The following SOX6 variants were observed in gnomAD, a reference collection of about 807,000 sequenced individuals.
SOX6 encodes the protein SRY-box transcription factor 6.
In SOX6, 11 loss-of-function variants were observed where a neutral mutation model predicts 97.8. That is an observed-to-expected ratio of 0.11 (90% confidence interval 0.07 to 0.19). The LOEUF is 0.19. SOX6 is among the 10% of genes least tolerant of loss of function. The probability of loss-of-function intolerance (pLI) is 1.00; values close to 1 mark genes in which losing one functional copy is unlikely to be tolerated. For synonymous variants in SOX6, 360 were observed against 371.4 expected (o/e 0.97, Z 0.35); for missense variants, 810 against 1,039.5 (o/e 0.78, Z 3.04).
Position 16,186,788 on chromosome 11 carries a change from C to G in SOX6, c.703G>C (p.Glu235Gln), listed in dbSNP as rs1311447551. 1.2e-6 allele frequency: 2 copies of G among 1,612,842 alleles called. No homozygotes were observed. The highest frequency in any genetic ancestry group is 2.7e-5 in the African/African-American group (2 of 74,824). Residue 235 changes from glutamate (E) to glutamine (Q), a missense_variant, in exon 5 of 16, where the codon GAA (glutamate) becomes CAA (glutamine). This residue lies in a region of SOX6 where 110 missense variants were observed against 119.0 expected (regional missense o/e 0.92). Transcript: ENST00000683767. ...GTGCCTTTTGCAGGGCTCACCTGTT[C>G]TTGCTGTTGGCGAGCAAGGTCCATT... ...QQMDLARQQQ[E>Q]QIARQQQQLL...
intron 4 of SOX6, among the ~76,000 whole-genome samples, chr11:16,197,343 TA>T (rs980899442): frequency 1.1e-4 from 16 of 152,108 alleles, no homozygotes; most frequent in Admixed American, 3.3e-4. Context: ...AACAGGCGCT[TA>T]AAAAAACCTT....
chr11:16,518,704 T>C (rs368943639), intron 4 of SOX6, among the ~76,000 whole-genome samples: 1 of 152,134 alleles, frequency 6.6e-6, no homozygotes, highest in African/African-American at 2.4e-5. Context: ...TCAAAGGAAA[T>C]ATTTGCTGTG....
chr11:16,699,394 T>C (rs943529143), intron 3 of SOX6, among the ~76,000 whole-genome samples: 3 of 152,108 alleles, frequency 2.0e-5, no homozygotes, highest in African/African-American at 7.2e-5. Flanking sequence ...AAGAAACTTA[T>C]GGTCATGTTT....
chr11:16,049,149 C>G (rs1847617754), intron 11 of SOX6, among the ~76,000 whole-genome samples: 1 of 152,088 alleles, frequency 6.6e-6, no homozygotes, highest in Non-Finnish European at 1.5e-5. Context: ...AATGAAGGCT[C>G]TCTGTCCAAG....
chr11:16,525,965 A>C (rs992151643), intron 4 of SOX6, among the ~76,000 whole-genome samples: 3 of 152,260 alleles, frequency 2.0e-5, no homozygotes, highest in African/African-American at 7.2e-5. Context: ...AGTGGCGATC[A>C]TTAAAAAGTC....
upstream of SOX6, among the ~76,000 whole-genome samples, chr11:16,477,261 A>C (rs558721169): frequency 2.0e-5 from 3 of 152,268 alleles, no homozygotes; most frequent in Admixed American, 6.5e-5. Context: ...GGCTCTGGGG[A>C]CTGGCTTGAT....
intron 6 of SOX6, among the ~76,000 whole-genome samples, chr11:16,170,449 C>A (rs76698650): frequency 6.6e-6 from 1 of 151,486 alleles, no homozygotes; most frequent in Non-Finnish European, 1.5e-5. Flanking sequence ...TGTCCCCAGT[C>A]GGCATAAAAG....
In SOX6 at chr11:16,132,413, GAA is replaced by G. The variant is rs1363826793; in HGVS notation, c.778-20492_778-20491del. 9.2e-4 allele frequency among the ~76,000 whole-genome samples: 83 copies of G among 90,588 alleles called. 4 individuals carry two copies. In the East Asian group the frequency reaches 0.018, roughly 20 times the overall value. The allele number at this position is 90,588 out of a possible 152,430, so 59.4% of individuals were successfully genotyped here. A position where few individuals can be genotyped will look rare whatever the true frequency, so the allele number is the denominator to read the frequency against. ...AAGAAAGAAAGAAAAAAGAAAGAAAGAAAGAAAGAAAGAAAGAAAGAAAGAAA... is the reference window on the plus strand; with the variant it reads ...AAGAAAGAAAGAAAAAAGAAAGAAAGAGAAAGAAAGAAAGAAAGAAAGAAA... On this transcript the variant is annotated intron_variant, in intron 6 of 15. Coordinates refer to ENST00000683767, the MANE Select transcript of SOX6 (RefSeq NM_001367873.1).
At chr11:16,702,991 A>G (rs1590057687) in intron 3 of SOX6, among the ~76,000 whole-genome samples, 2 of 150,948 alleles carry the variant, frequency 1.3e-5, no homozygotes, top group African/African-American at 4.8e-5. Context: ...TAAGGAATAC[A>G]TTTGCCTTGA....
Position 16,638,224 on chromosome 11 carries a change from A to G in SOX6, n.430-25964T>C, listed in dbSNP as rs139621331. Among the ~76,000 whole-genome samples, 802 of 152,052 alleles carry G rather than the reference A, an allele frequency of 5.3e-3. 7 individuals are homozygous for G. Among genetic ancestry groups the G allele is most frequent in the African/African-American group, 0.018 (761 of 41,466 alleles). On this transcript the variant is annotated intron_variant and non_coding_transcript_variant, in intron 3 of 5. Transcript: ENST00000524520. Reference sequence around the variant, plus strand: ...TCCAGCTTCACCCATCTCCCTACAAAGGACATGAACTCATCATTTTTTATG... The same window carrying G: ...TCCAGCTTCACCCATCTCCCTACAAGGGACATGAACTCATCATTTTTTATG...
At chr11:16,500,121 T>C (rs1385956164) in intron 4 of SOX6, among the ~76,000 whole-genome samples, 1 of 152,156 alleles carries the variant, frequency 6.6e-6, no homozygotes, top group East Asian at 1.9e-4. Flanking sequence ...CATGATCAAG[T>C]GGGCTTCATC....
intron 2 of SOX6, among the ~76,000 whole-genome samples, chr11:16,327,108 ATCACGCTGTATAACTG>A (rs1235095601): frequency 6.6e-6 from 1 of 152,288 alleles, no homozygotes; most frequent in Non-Finnish European, 1.5e-5. Flanking sequence ...AGCCTGGGAA[ATCACGCTGTATAACTG>A]TCACTGCATT....
chr11:16,227,261 T>C (rs1852713968), intron 4 of SOX6, among the ~76,000 whole-genome samples: 1 of 152,166 alleles, frequency 6.6e-6, no homozygotes, highest in Non-Finnish European at 1.5e-5. Flanking sequence ...AACTGTAGTA[T>C]TAATTTGAAA....
intron 6 of SOX6, among the ~76,000 whole-genome samples, chr11:16,137,763 C>T (rs1270017862): frequency 6.6e-6 from 1 of 152,244 alleles, no homozygotes; most frequent in Admixed American, 6.5e-5. Context: ...ATGAGAGGGA[C>T]CAGGTGGAGA....
chr11:16,548,012 A>C (rs1847640832), intron 4 of SOX6, among the ~76,000 whole-genome samples: 1 of 152,186 alleles, frequency 6.6e-6, no homozygotes, highest in South Asian at 2.1e-4. Context: ...AGAACATCTT[A>C]AAAGCAGCCG....
At chr11:16,511,228 C>A (rs1317972109) in intron 4 of SOX6, among the ~76,000 whole-genome samples, 1 of 152,124 alleles carries the variant, frequency 6.6e-6, no homozygotes, top group African/African-American at 2.4e-5. Context: ...GTTTCAAAAG[C>A]ACATGGATGT....
At position 16,338,511 on chromosome 11, in the gene SOX6, C is replaced by G. The variant is rs188885359; in HGVS notation, c.237+2501G>C. On this transcript the variant is annotated intron_variant, in intron 2 of 15. Transcript: ENST00000683767. ...AGTTGTTACAAAATATTGAATCTAT[C>G]CAGTGAAAAAGAAGCACAAAGGGAA... 1.3e-4 allele frequency among the ~76,000 whole-genome samples: 19 copies of G among 151,996 alleles called. No individual in the cohort carries two copies. The East Asian group carries it at 2.5e-3, about 20-fold the overall frequency.
intron 2 of SOX6, among the ~76,000 whole-genome samples, chr11:16,333,837 G>A (rs1167098837): frequency 6.6e-6 from 1 of 152,144 alleles, no homozygotes; most frequent in Non-Finnish European, 1.5e-5. Flanking sequence ...TATTTGCATA[G>A]GGATAGTTGA....
At chr11:16,138,572 T>C (rs975715012) in intron 6 of SOX6, among the ~76,000 whole-genome samples, 1 of 152,078 alleles carries the variant, frequency 6.6e-6, no homozygotes, top group African/African-American at 2.4e-5. Context: ...TATTATACTT[T>C]AAGTTTTAGG....
Sources: allele counts gnomAD v4.1 joint callset (sites outside exome capture counted in the v4.1 genomes callset), GRCh38; gene constraint gnomAD v4.1.1; regional missense constraint gnomAD v4.1.1; transcripts MANE v1.5; gene names NCBI Gene and HGNC (gene_info 2026-07-23, HGNC 2026-07-21).